The following ANAPC10 variants were observed in gnomAD, a reference collection of about 807,000 sequenced individuals.
ANAPC10 encodes the protein anaphase promoting complex subunit 10.
ANAPC10 carries 12 observed loss-of-function variants against 22.0 expected under a neutral mutation model. The observed-to-expected ratio is 0.55, with a 90% confidence interval of 0.35 to 0.88. ANAPC10 has a LOEUF of 0.88. ANAPC10 is among the 40% of genes least tolerant of loss of function. ANAPC10 has a pLI of 0.01. For missense variants in ANAPC10, 188 were observed against 220.9 expected (o/e 0.85, Z 0.94); for synonymous variants, 65 against 69.5 (o/e 0.94, Z 0.32).
intron 3 of ANAPC10, among the ~76,000 whole-genome samples, chr4:145,066,135 A>T (rs1743643951): frequency 6.6e-6 from 1 of 152,138 alleles, no homozygotes; most frequent in Non-Finnish European, 1.5e-5. Flanking sequence ...AGCCTATAAA[A>T]ACAGCAGGGG....
chr4:145,062,057 T>C (rs548141181), intron 4 of ANAPC10, among the ~76,000 whole-genome samples: 3 of 148,912 alleles, frequency 2.0e-5, no homozygotes, highest in Non-Finnish European at 4.5e-5. Context: ...AGCAAGACTC[T>C]GTCAAAAAAA....
At chr4:145,008,475 A>T (rs1733769952) in intron 4 of ANAPC10, among the ~76,000 whole-genome samples, 1 of 152,162 alleles carries the variant, frequency 6.6e-6, no homozygotes, top group Non-Finnish European at 1.5e-5. Context: ...GCACATCAAA[A>T]AGCTTACCCA....
chr4:145,005,407 C>A (rs995898576), intron 4 of ANAPC10, among the ~76,000 whole-genome samples: 7 of 151,946 alleles, frequency 4.6e-5, no homozygotes, highest in Non-Finnish European at 7.4e-5. Flanking sequence ...TTTCAAATAA[C>A]CAGCTCCTAG....
At chr4:145,082,252 C>T (rs762075571) in intron 2 of ANAPC10, among the ~76,000 whole-genome samples, 3 of 152,200 alleles carry the variant, frequency 2.0e-5, no homozygotes, top group Admixed American at 6.5e-5. Context: ...CGGATTCAAG[C>T]GATTCTCCTG....
intron 3 of ANAPC10, among the ~76,000 whole-genome samples, chr4:145,080,412 G>C (rs193131422): frequency 6.6e-5 from 10 of 152,226 alleles, no homozygotes; most frequent in Non-Finnish European, 1.3e-4. Context: ...AATTTAATTA[G>C]AACAGCTAAA....
chr4:145,007,725 G>C (rs1388017191), intron 4 of ANAPC10, among the ~76,000 whole-genome samples: 1 of 151,964 alleles, frequency 6.6e-6, no homozygotes, highest in African/African-American at 2.4e-5. Context: ...AGAGAAAGCA[G>C]GAAAGATCAA....
intron 4 of ANAPC10, among the ~76,000 whole-genome samples, chr4:145,000,978 A>C (rs1181885495): frequency 6.6e-6 from 1 of 152,006 alleles, no homozygotes; most frequent in African/African-American, 2.4e-5. Context: ...CTCACTCATA[A>C]ATGGGAATTG....
At chr4:145,054,215 A>C (rs1432673510) in intron 4 of ANAPC10, among the ~76,000 whole-genome samples, 2 of 151,172 alleles carry the variant, frequency 1.3e-5, no homozygotes, top group Non-Finnish European at 2.9e-5. Flanking sequence ...CCTGATTACT[A>C]CTGTTTTAAT....
chr4:145,050,470 G>C (rs1343555278), intron 4 of ANAPC10, among the ~76,000 whole-genome samples: 1 of 152,218 alleles, frequency 6.6e-6, no homozygotes, highest in Non-Finnish European at 1.5e-5. Flanking sequence ...GTCACTAGCT[G>C]CATCAGCCCC....
At chr4:145,063,026 G>A (rs1353737898) in intron 4 of ANAPC10, among the ~76,000 whole-genome samples, 1 of 152,106 alleles carries the variant, frequency 6.6e-6, no homozygotes, top group Non-Finnish European at 1.5e-5. Flanking sequence ...GGAGGGATTG[G>A]GGAGATGTTG....
chr4:145,009,096 GAAAAT>G (rs754675535), intron 4 of ANAPC10, among the ~76,000 whole-genome samples: 2 of 151,966 alleles, frequency 1.3e-5, no homozygotes, highest in Non-Finnish European at 2.9e-5. Flanking sequence ...CTGCTACAAA[GAAAAT>G]AAAATACCTA....
intron 4 of ANAPC10, among the ~76,000 whole-genome samples, chr4:145,052,660 G>A (rs980670475): frequency 1.3e-5 from 2 of 152,080 alleles, no homozygotes; most frequent in East Asian, 1.9e-4. Context: ...AGCATTTTGC[G>A]AGGCTCAGGC....
At chr4:145,026,677 A>G (rs542182693) in intron 4 of ANAPC10, among the ~76,000 whole-genome samples, 77 of 151,884 alleles carry the variant, frequency 5.1e-4, no homozygotes, top group Non-Finnish European at 9.4e-4. Context: ...TGTAAGAAAC[A>G]AGACAAAATA....
intron 4 of ANAPC10, among the ~76,000 whole-genome samples, chr4:145,011,222 C>T (rs1734248710): frequency 6.6e-6 from 1 of 151,590 alleles, no homozygotes; most frequent in Non-Finnish European, 1.5e-5. Context: ...ATCCTAGTTA[C>T]TCTACTCAGG....
chr4:145,075,109 A>G (rs1333259738), intron 3 of ANAPC10, among the ~76,000 whole-genome samples: 1 of 152,150 alleles, frequency 6.6e-6, no homozygotes, highest in Non-Finnish European at 1.5e-5. Flanking sequence ...ACAACACACC[A>G]GGAGGTCTTC....
chr4:145,056,980 C>A (rs1252394788), intron 4 of ANAPC10, among the ~76,000 whole-genome samples: 1 of 152,100 alleles, frequency 6.6e-6, no homozygotes, highest in African/African-American at 2.4e-5. Context: ...AGAAACAGTG[C>A]AGGTCTTCTA....
chr4:145,035,487 G>C (rs945147781), intron 4 of ANAPC10: 1 of 152,184 alleles, frequency 6.6e-6, no homozygotes, highest in Admixed American at 6.5e-5. Flanking sequence ...CATTGTCATG[G>C]GGCAGGAGCC....
At chr4:144,997,900 T>C (rs566699609) in intron 4 of ANAPC10, among the ~76,000 whole-genome samples, 5 of 151,382 alleles carry the variant, frequency 3.3e-5, no homozygotes, top group South Asian at 2.1e-4. Context: ...ACCAAGCAAA[T>C]GGAAAACAAA....
At chr4:145,088,554 C>T (rs916637790) in intron 2 of ANAPC10, among the ~76,000 whole-genome samples, 1 of 152,152 alleles carries the variant, frequency 6.6e-6, no homozygotes, top group Non-Finnish European at 1.5e-5. Flanking sequence ...TCCTGTGAAT[C>T]GTAATTATTC....
Sources: gnomAD v4.1 joint callset for allele counts (sites outside exome capture counted in the v4.1 genomes callset) on GRCh38, gnomAD v4.1.1 for gene constraint, MANE v1.5 for transcripts, NCBI Gene and HGNC (gene_info 2026-07-23, HGNC 2026-07-21) for gene names.